Variants in ST18 observed in about 807,000 individuals in gnomAD.
ST18 encodes the protein suppression of tumorigenicity 18 protein.
A neutral mutation model predicts 110.0 loss-of-function variants in ST18; 50 were observed. The observed-to-expected ratio is 0.45, with a 90% CI of 0.36 to 0.58. The LOEUF is 0.58. Ranked by LOEUF, ST18 falls within the 20% of genes least tolerant of loss-of-function variation. The pLI, the probability that ST18 is intolerant of heterozygous loss-of-function variation, is 0.00. For missense variants in ST18, 1,306 were observed against 1,280.1 expected (o/e 1.02, Z -0.31); for synonymous variants, 461 against 452.4 (o/e 1.02, Z -0.24).
intron 23 of ST18, among the ~76,000 whole-genome samples, chr8:52,122,830 T>C (rs896513075): frequency 1.7e-5 from 1 of 58,750 alleles, no homozygotes; most frequent in Non-Finnish European, 2.7e-5. Context: ...AATTGTACTA[T>C]TTTTTTTTAT....
At chr8:52,288,963 G>A (rs540421952) in intron 2 of ST18, among the ~76,000 whole-genome samples, 3 of 152,172 alleles carry the variant, frequency 2.0e-5, no homozygotes, top group South Asian at 4.2e-4. Context: ...TTCATGGCAC[G>A]TGTGCAAGGT....
chr8:52,323,788 C>T (rs898962677), intron 2 of ST18, among the ~76,000 whole-genome samples: 12 of 152,302 alleles, frequency 7.9e-5, no homozygotes, highest in Admixed American at 5.2e-4. Flanking sequence ...ACTCCACTTC[C>T]GGCCTGTCTT....
chr8:52,181,442 A>G (rs2069517547), intron 8 of ST18, among the ~76,000 whole-genome samples: 1 of 152,190 alleles, frequency 6.6e-6, no homozygotes, highest in African/African-American at 2.4e-5. Context: ...AAAACTTCCA[A>G]TGGGGGTAAA....
At chr8:52,193,212 ACAAAG>A (rs1241409334) in intron 8 of ST18, among the ~76,000 whole-genome samples, 1 of 152,206 alleles carries the variant, frequency 6.6e-6, no homozygotes, top group Non-Finnish European at 1.5e-5. Context: ...AAGTTAATAT[ACAAAG>A]CAAGTATAAA....
At chr8:52,116,213 A>G in intron 25 of ST18, 62 bp downstream of exon 25, 1 of 1,567,348 alleles carries the variant, frequency 6.4e-7, no homozygotes, top group Non-Finnish European at 8.6e-7. Flanking sequence ...CCCCGTGGGT[A>G]GATGCATGAT....
chr8:52,147,739 C>CAGG (rs2057720860), intron 16 of ST18, among the ~76,000 whole-genome samples: 4 of 152,084 alleles, frequency 2.6e-5, no homozygotes, highest in Non-Finnish European at 5.9e-5. Context: ...ACTGGACCCA[C>CAGG]ATCCACACAT....
At position 52,315,506 on chromosome 8, in the gene ST18, CTTG is replaced by C. The variant is rs562461015; in HGVS notation, c.-464-85432_-464-85430del. Among the ~76,000 whole-genome samples, 9 of 152,288 alleles carry C rather than the reference CTTG, an allele frequency of 5.9e-5. No homozygotes were observed. In the South Asian group the frequency reaches 1.5e-3, roughly 25 times the overall value. On this transcript the variant is annotated intron_variant, in intron 2 of 25. Coordinates refer to ENST00000689386, the MANE Select transcript of ST18 (RefSeq NM_001352837.2). ...CCACTTATCCACCTTAACCTGTTGG[CTTG>C]TTGTTTTTTCATCTATAGTACTTAT... is the stretch of plus-strand genomic sequence containing the variant.
At chr8:52,130,224 A>G (rs1423396586) in intron 22 of ST18, among the ~76,000 whole-genome samples, 1 of 152,128 alleles carries the variant, frequency 6.6e-6, no homozygotes, top group African/African-American at 2.4e-5. Flanking sequence ...TGAAATCAGA[A>G]TTTTCTTTTT....
At chr8:52,268,196 C>T (rs1426926037) in intron 2 of ST18, among the ~76,000 whole-genome samples, 1 of 152,184 alleles carries the variant, frequency 6.6e-6, no homozygotes, top group Non-Finnish European at 1.5e-5. Flanking sequence ...GTAATGAAGA[C>T]AGCAATCACA....
In ST18 at chr8:52,171,624, C is replaced by A. The variant is rs2133792723; in HGVS notation, c.1069+168G>T. On this transcript the variant is annotated intron_variant, in intron 10 of 25. Coordinates refer to ENST00000689386, the MANE Select transcript of ST18 (RefSeq NM_001352837.2). ...TAACACAGCTTGATTGGAGGATAAT[C>A]TAGAGAGTGGGGGAAAAGAAAGAAA... 4 of 779,618 alleles carry A rather than the reference C, an allele frequency of 5.1e-6. No homozygotes were observed. The East Asian group carries it at 1.1e-4, about 21-fold the overall frequency. 48.3% of individuals were successfully genotyped at this position (779,618 alleles called of 1,614,324 possible). A position where few individuals can be genotyped will look rare whatever the true frequency, so the allele number is the denominator to read the frequency against.
intron 8 of ST18, among the ~76,000 whole-genome samples, chr8:52,182,279 G>T (rs2070039213): frequency 6.6e-6 from 1 of 152,070 alleles, no homozygotes; most frequent in Admixed American, 6.6e-5. Context: ...CCCAGAAGTG[G>T]GGCTGCTGGA....
chr8:52,178,647 C>CAAA (rs2068028796), intron 9 of ST18, among the ~76,000 whole-genome samples: 1 of 70,588 alleles, frequency 1.4e-5, no homozygotes, highest in Non-Finnish European at 2.7e-5. Context: ...AAAAAAACCA[C>CAAA]CAAAAACCAA....
chr8:52,228,092 C>T (rs558017438), intron 3 of ST18, among the ~76,000 whole-genome samples: 1 of 152,234 alleles, frequency 6.6e-6, no homozygotes, highest in African/African-American at 2.4e-5. Flanking sequence ...GATTGCTATG[C>T]CAGTTAAGGA....
intron 2 of ST18, among the ~76,000 whole-genome samples, chr8:52,263,104 G>A (rs960550830): frequency 1.3e-5 from 2 of 152,168 alleles, no homozygotes; most frequent in African/African-American, 4.8e-5. Flanking sequence ...TTCTCACAAA[G>A]AGCAGTTTAA....
At chr8:52,202,825 G>A (rs2078476956) in intron 8 of ST18, among the ~76,000 whole-genome samples, 1 of 152,132 alleles carries the variant, frequency 6.6e-6, no homozygotes, top group Admixed American at 6.5e-5. Flanking sequence ...AAATAGGATG[G>A]CGATGATATT....
chr8:52,137,071 T>G (rs2052718437), intron 18 of ST18, among the ~76,000 whole-genome samples: 1 of 152,170 alleles, frequency 6.6e-6, no homozygotes, highest in South Asian at 2.1e-4. Context: ...ATGCTTCAAT[T>G]TGTTATTTGC....
At chr8:52,196,439 T>C (rs2076197647) in intron 8 of ST18, among the ~76,000 whole-genome samples, 1 of 152,222 alleles carries the variant, frequency 6.6e-6, no homozygotes, top group Non-Finnish European at 1.5e-5. Context: ...AATGCCTGCA[T>C]TCGTCCTGTG....
intron 8 of ST18, among the ~76,000 whole-genome samples, chr8:52,182,868 A>G (rs7818192): frequency 0.22 from 33,711 of 152,044 alleles, 7,036 homozygotes; most frequent in African/African-American, 0.55. Flanking sequence ...ATGAGACCTC[A>G]GGTGGCAGGG....
chr8:52,408,750 C>T (rs1168481369), intron 2 of ST18, among the ~76,000 whole-genome samples: 2 of 152,092 alleles, frequency 1.3e-5, no homozygotes, highest in Non-Finnish European at 1.5e-5. Context: ...TCTTATGGCT[C>T]AAAGAAAGAA....
Sources: allele counts gnomAD v4.1 joint callset (sites outside exome capture counted in the v4.1 genomes callset), GRCh38; gene constraint gnomAD v4.1.1; transcripts MANE v1.5; gene names NCBI Gene and HGNC (gene_info 2026-07-23, HGNC 2026-07-21).